The following SGCD variants were observed in gnomAD, a reference collection of about 807,000 sequenced individuals.
SGCD encodes the protein sarcoglycan delta.
In SGCD, 18 loss-of-function variants were observed where a neutral mutation model predicts 36.6. That is an observed-to-expected ratio of 0.49 (90% CI 0.34 to 0.73). SGCD has a LOEUF of 0.73. Ranked by LOEUF, SGCD falls within the 30% of genes least tolerant of loss-of-function variation. The pLI, the probability that SGCD is intolerant of heterozygous loss-of-function variation, is 0.01. For synonymous variants in SGCD, 133 were observed against 130.6 expected (o/e 1.02, Z -0.12); for missense variants, 387 against 346.7 (o/e 1.12, Z -0.92).
chr5:156,197,238 A>T (rs976974385), intron 3 of SGCD, among the ~76,000 whole-genome samples: 1 of 152,174 alleles, frequency 6.6e-6, no homozygotes, highest in Non-Finnish European at 1.5e-5. Flanking sequence ...TTTGATGTAC[A>T]CTGCTATATT....
At chr5:155,819,977 G>A in the SGCD span, among the ~76,000 whole-genome samples, 4 of 152,092 alleles carry the variant, frequency 2.6e-5, no homozygotes, top group Non-Finnish European at 1.5e-5. Flanking sequence ...ATACTACTTT[G>A]GCATGCATTG....
intron 3 of SGCD, among the ~76,000 whole-genome samples, chr5:156,315,368 T>A (rs896702872): frequency 9.2e-5 from 14 of 152,042 alleles, no homozygotes; most frequent in Admixed American, 9.2e-4. Context: ...TTTATCCAGG[T>A]TGTCACAAAT....
At chr5:155,942,107 A>G (rs910018711) in intron 1 of SGCD, among the ~76,000 whole-genome samples, 2 of 152,210 alleles carry the variant, frequency 1.3e-5, no homozygotes, top group Non-Finnish European at 2.9e-5. Flanking sequence ...CAAATTCTGC[A>G]TAATATATTA....
At chr5:156,554,285 G>A (rs1390952495) in intron 4 of SGCD, among the ~76,000 whole-genome samples, 2 of 151,504 alleles carry the variant, frequency 1.3e-5, no homozygotes, top group East Asian at 1.9e-4. Context: ...AAATCAGGAG[G>A]CGAAGGTTGT....
chr5:155,808,072 G>A, the SGCD span, among the ~76,000 whole-genome samples: 2 of 152,180 alleles, frequency 1.3e-5, no homozygotes, highest in Admixed American at 6.5e-5. Flanking sequence ...TGGCACTGAA[G>A]TCCCCTGTAG....
chr5:156,310,022 G>T (rs1415354891), intron 3 of SGCD, among the ~76,000 whole-genome samples: 1 of 152,100 alleles, frequency 6.6e-6, no homozygotes, highest in Non-Finnish European at 1.5e-5. Flanking sequence ...TTGCTGCCTT[G>T]TTATTGTTTT....
intron 3 of SGCD, among the ~76,000 whole-genome samples, chr5:156,302,766 G>C (rs1303701444): frequency 3.3e-5 from 5 of 152,140 alleles, no homozygotes; most frequent in African/African-American, 1.2e-4. Context: ...TTATATTTGG[G>C]AGAATTCCCT....
intron 3 of SGCD, among the ~76,000 whole-genome samples, chr5:156,315,600 T>C (rs1172561587): frequency 2.6e-5 from 4 of 151,894 alleles, no homozygotes; most frequent in Non-Finnish European, 5.9e-5. Flanking sequence ...GATCATATGA[T>C]AGTTCTATTT....
chr5:156,256,294 A>G (rs1310883493), intron 3 of SGCD, among the ~76,000 whole-genome samples: 1 of 152,246 alleles, frequency 6.6e-6, no homozygotes, highest in Non-Finnish European at 1.5e-5. Context: ...AGTTAAGAAT[A>G]TTTATTTCCC....
rs1196495019 is a variant in SGCD at position 156,259,336 on chromosome 5, GTTTTA to G, written c.-43-70196_-43-70192del. On this transcript the variant is annotated intron_variant, in intron 3 of 9. Transcript: ENST00000517913. Reference sequence around the variant, plus strand: ...ATTTATCTTTTTATTATTTTGTAGAGTTTTATGTAATCTGTACACAAGTCTTCCAT... The same window carrying G: ...ATTTATCTTTTTATTATTTTGTAGAGTGTAATCTGTACACAAGTCTTCCAT... 5.9e-5 allele frequency among the ~76,000 whole-genome samples: 9 copies of G among 151,834 alleles called. No individual in the cohort carries two copies. The East Asian group carries it at 1.7e-3, about 29-fold the overall frequency.
At chr5:155,855,624 T>G in the SGCD span, among the ~76,000 whole-genome samples, 1,237 of 152,334 alleles carry the variant, frequency 8.1e-3, 10 homozygotes, top group Non-Finnish European at 0.012. Context: ...TTTTATATTT[T>G]TATAGAGTGG....
the SGCD span, among the ~76,000 whole-genome samples, chr5:155,843,773 G>A: frequency 6.6e-6 from 1 of 152,316 alleles, no homozygotes; most frequent in Non-Finnish European, 1.5e-5. Flanking sequence ...GCTAGGACAT[G>A]ATGAAGCCTC....
chr5:156,209,895 T>C (rs1198141888), intron 3 of SGCD, among the ~76,000 whole-genome samples: 2 of 152,076 alleles, frequency 1.3e-5, no homozygotes, highest in Admixed American at 1.3e-4. Context: ...CCCACAAATT[T>C]GGGCCTCAGT....
At chr5:156,355,857 G>A (rs1350419145) in intron 3 of SGCD, among the ~76,000 whole-genome samples, 1 of 152,160 alleles carries the variant, frequency 6.6e-6, no homozygotes, top group Non-Finnish European at 1.5e-5. Flanking sequence ...GGCTGGTCTT[G>A]AATTCCTGAA....
chr5:156,740,607 G>GTTTTAAC lies in SGCD; in HGVS notation c.576-16971_576-16965dup, dbSNP rs1756621602. ...CAAGTATGTTAATTTAGCTATTGGG[G>GTTTTAAC]TTTTAACTTGGGTTACCTCTTCTCA... is the stretch of plus-strand genomic sequence containing the variant. On this transcript the variant is annotated intron_variant, in intron 7 of 8. Transcript: ENST00000337851. 2.0e-5 allele frequency among the ~76,000 whole-genome samples: 3 copies of GTTTTAAC among 152,142 alleles called. No individual in the cohort carries two copies. In the South Asian group the frequency reaches 6.2e-4, roughly 32 times the overall value.
chr5:156,471,629 A>G (rs2127828273), intron 3 of SGCD, among the ~76,000 whole-genome samples: 1 of 152,250 alleles, frequency 6.6e-6, no homozygotes, highest in South Asian at 2.1e-4. Context: ...TCTACCTTAC[A>G]CTATACAAAA....
intron 3 of SGCD, among the ~76,000 whole-genome samples, chr5:156,211,600 T>A (rs1581170758): frequency 7.5e-6 from 1 of 132,972 alleles, no homozygotes; most frequent in African/African-American, 2.9e-5. Context: ...AGAGCGAGAC[T>A]CAGACTCAAA....
intron 1 of SGCD, among the ~76,000 whole-genome samples, chr5:155,889,353 G>A (rs568895222): frequency 1.1e-4 from 17 of 152,060 alleles, no homozygotes; most frequent in African/African-American, 4.1e-4. Context: ...TTTTAAAAAG[G>A]AGACCTACTC....
the SGCD span, among the ~76,000 whole-genome samples, chr5:155,852,078 G>T: frequency 5.3e-3 from 804 of 152,292 alleles, 13 homozygotes; most frequent in African/African-American, 0.018. Flanking sequence ...ATAATGACAG[G>T]ACTTGCTGTG....
Sources: allele counts gnomAD v4.1 joint callset (sites outside exome capture counted in the v4.1 genomes callset), GRCh38; gene constraint gnomAD v4.1.1; transcripts MANE v1.5; gene names NCBI Gene and HGNC (gene_info 2026-07-23, HGNC 2026-07-21).